Variants in GNE observed in about 807,000 individuals in gnomAD.
GNE encodes the protein glucosamine (UDP-N-acetyl)-2-epimerase/N-acetylmannosamine kinase, also known as bifunctional UDP-N-acetylglucosamine 2-epimerase/N-acetylmannosamine kinase.
Under a neutral mutation model 61.8 loss-of-function variants are expected in GNE, and 41 were observed. The ratio of observed to expected loss-of-function variants is 0.66; its 90% CI spans 0.52 to 0.86. The LOEUF (loss-of-function observed/expected upper bound fraction) is 0.86. Ranked by LOEUF, GNE falls within the 40% of genes least tolerant of loss-of-function variation. The pLI, the probability that GNE is intolerant of heterozygous loss-of-function variation, is 0.00. For missense variants in GNE, 608 were observed against 909.1 expected, an observed-to-expected ratio of 0.67 and a Z score of 4.26; for synonymous variants, 264 against 326.4, an observed-to-expected ratio of 0.81 and a Z score of 2.06.
At chr9:36,242,818 C>A (rs1166066321) in intron 3 of GNE, among the ~76,000 whole-genome samples, 3 of 147,648 alleles carry the variant, frequency 2.0e-5, no homozygotes, top group African/African-American at 7.5e-5. Flanking sequence ...AATCTCGGCT[C>A]ACAGCAACCT....
rs968546626 is a variant in GNE, at chr9:36,242,158, A to T, written c.616+3873T>A. On this transcript the variant is annotated intron_variant, in intron 3 of 11. Transcript: ENST00000642385. ...GCAACAGAGCAAGACTCTGTCTCAA[A>T]AAAAAGAAAAAAAAAAAGAAGTTGC... is the stretch of plus-strand genomic sequence containing the variant. 5.7e-5 allele frequency among the ~76,000 whole-genome samples: 5 copies of T among 87,154 alleles called. No individual in the cohort carries two copies. The East Asian group carries it at 1.1e-3, about 19-fold the overall frequency. 57.2% of individuals were successfully genotyped at this position (87,154 alleles called of 152,430 possible). A position where few individuals can be genotyped will look rare whatever the true frequency, so the allele number is the denominator to read the frequency against.
At chr9:36,258,192 TG>T in intron 1 of GNE, 128 bp downstream of exon 1, 1 of 354,040 alleles carries the variant, frequency 2.8e-6, no homozygotes, top group Non-Finnish European at 3.9e-6. Context: ...GGGTCCAGTG[TG>T]GGCCTCGGGG....
chr9:36,248,843 TATACTC>T (rs1830005256), intron 2 of GNE, among the ~76,000 whole-genome samples: 1 of 152,216 alleles, frequency 6.6e-6, no homozygotes, highest in African/African-American at 2.4e-5. Context: ...ATCACATTAT[TATACTC>T]ATACAATATG....
In GNE at chr9:36,222,660, G is replaced by C. The variant is rs1386891498; in HGVS notation, c.1633+117C>G. ...AAAGGCCACATGTGGCTCACCTTCA[G>C]GCTCTAGTCATGCAGGAAGTGAAGG... On this transcript the variant is annotated intron_variant, in intron 9 of 11. Coordinates refer to ENST00000642385, the MANE Select transcript of GNE (RefSeq NM_005476.7). The C allele has an allele frequency of 1.2e-5, 10 of 815,378 alleles. No homozygotes were observed. In the South Asian group the frequency reaches 1.3e-4, roughly 11 times the overall value. 50.5% of individuals were successfully genotyped at this position (815,378 alleles called of 1,614,324 possible). A position where few individuals can be genotyped will look rare whatever the true frequency, so the allele number is the denominator to read the frequency against.
At chr9:36,266,993 G>T (rs1334321763) in intron 1 of GNE, among the ~76,000 whole-genome samples, 1 of 152,214 alleles carries the variant, frequency 6.6e-6, no homozygotes, top group Non-Finnish European at 1.5e-5. Flanking sequence ...TTGAACCTGG[G>T]AGGCGAAGGT....
chr9:36,269,498 T>A (rs1290958520), intron 1 of GNE, among the ~76,000 whole-genome samples: 1 of 151,852 alleles, frequency 6.6e-6, no homozygotes, highest in Non-Finnish European at 1.5e-5. Flanking sequence ...CATTTTATCC[T>A]GTTGACTTTG....
At chr9:36,249,434 A>G in intron 1 of GNE, 37 bp from the exon 2 acceptor site, 1 of 1,378,780 alleles carries the variant, frequency 7.3e-7, no homozygotes, top group Non-Finnish European at 1.0e-6. Context: ...TAATCAGAAT[A>G]ACTCCTAGAT....
Position 36,222,769 on chromosome 9 carries a change from CCT to C in GNE, c.1633+6_1633+7del, listed in dbSNP as rs764024703. 4.4e-6 allele frequency: 7 copies of C among 1,586,138 alleles called. No individual in the cohort carries two copies. The highest frequency in any genetic ancestry group is 6.1e-6 in the Non-Finnish European group (7 of 1,154,766). ...GCTCCTGAACCAACCTCCCCCTACCCCTCTTACCTGTGCCTGTGATAAGTGTA... is the reference window on the plus strand; with the variant it reads ...GCTCCTGAACCAACCTCCCCCTACCCCTTACCTGTGCCTGTGATAAGTGTA... On this transcript the variant is annotated splice_donor_region_variant and intron_variant, in intron 9 of 11. Coordinates refer to ENST00000642385, the MANE Select transcript of GNE (RefSeq NM_005476.7).
In GNE at chr9:36,233,940, CG is replaced by C. The variant is rs1829284063; in HGVS notation, c.961del (p.Arg321ValfsTer51). The C allele has an allele frequency of 1.2e-6, 2 of 1,613,572 alleles. No individual in the cohort carries two copies. Among genetic ancestry groups the C allele is most frequent in the Non-Finnish European group, 1.7e-6 (2 of 1,179,480 alleles). On this transcript the variant is annotated frameshift_variant, in exon 5 of 12. Coordinates refer to ENST00000642385, the MANE Select transcript of GNE (RefSeq NM_005476.7). LOFTEE classifies it high-confidence loss of function. ...FGTPVINLGT[R>X]QIGRETGENV... ...AATACCTGTTTCTCTTCCAATCTGA[CG>C]TGTTCCCAGGTTGATCACAGGTGTT...
chr9:36,265,422 G>A (rs941598281), intron 1 of GNE: 5 of 456,526 alleles, frequency 1.1e-5, no homozygotes, highest in South Asian at 6.2e-5. Flanking sequence ...GTTTTCTAGG[G>A]AGATGGAAGG....
chr9:36,227,514 G>T, intron 6 of GNE, 56 bp from the exon 7 acceptor site: 1 of 1,047,000 alleles, frequency 9.6e-7, no homozygotes, highest in South Asian at 1.3e-5. Context: ...ATGTTAAGTG[G>T]TAGTGAGGGT....
intron 1 of GNE, among the ~76,000 whole-genome samples, chr9:36,269,395 A>T (rs535710986): frequency 1.3e-5 from 2 of 151,378 alleles, no homozygotes; most frequent in South Asian, 4.2e-4. Context: ...CCTAGGATAC[A>T]TACTCCAGCC....
intron 1 of GNE, among the ~76,000 whole-genome samples, chr9:36,250,805 C>T (rs936180571): frequency 6.6e-5 from 10 of 152,140 alleles, no homozygotes; most frequent in East Asian, 5.8e-4. Flanking sequence ...CTCAGCCTCC[C>T]GAGTAGCTGG....
chr9:36,255,846 G>A (rs1164659131), intron 1 of GNE, among the ~76,000 whole-genome samples: 1 of 152,168 alleles, frequency 6.6e-6, no homozygotes, highest in African/African-American at 2.4e-5. Context: ...GATGATAGAT[G>A]TTAGACAGAT....
upstream of GNE, among the ~76,000 whole-genome samples, chr9:36,262,758 C>A (rs1830651870): frequency 6.6e-6 from 1 of 152,160 alleles, no homozygotes; most frequent in Admixed American, 6.6e-5. Flanking sequence ...CCTACAGCAC[C>A]CCTGACAGAT....
In GNE at chr9:36,234,031, C is replaced by A. The variant is rs1280367982; in HGVS notation, c.871G>T (p.Val291Phe). The A allele has an allele frequency of 3.7e-6, 6 of 1,614,018 alleles. No homozygotes were observed. The highest frequency in any genetic ancestry group is 5.1e-6 in the Non-Finnish European group (6 of 1,179,976). Residue 291 changes from valine to phenylalanine, a missense_variant, in exon 5 of 12, where the codon GTT (valine) becomes TTT (phenylalanine). Transcript: ENST00000642385. ...CCAATCATACAGCCAGCATGGGCAA[C>A]CAACTGTATAAACTGGTCAAATGGG... ...HVPFDQFIQL[V>F]AHAGCMIGNS...
At chr9:36,271,807 A>G (rs1022067278) in intron 1 of GNE, among the ~76,000 whole-genome samples, 3 of 152,186 alleles carry the variant, frequency 2.0e-5, no homozygotes, top group Admixed American at 2.0e-4. Flanking sequence ...TCACCTCACT[A>G]TATATGACCT....
chr9:36,224,801 C>T (rs912445522), intron 7 of GNE, among the ~76,000 whole-genome samples: 2 of 152,050 alleles, frequency 1.3e-5, no homozygotes, highest in African/African-American at 2.4e-5. Context: ...ACCCAGGAAG[C>T]AGAGGTTGCA....
At chr9:36,271,347 G>A (rs1373274686) in intron 1 of GNE, among the ~76,000 whole-genome samples, 6 of 152,246 alleles carry the variant, frequency 3.9e-5, no homozygotes, top group Middle Eastern at 3.4e-3. Context: ...AATTCCCGGA[G>A]CACTTGTCTT....
Sources: gnomAD v4.1 joint callset for allele counts (sites outside exome capture counted in the v4.1 genomes callset) on GRCh38, gnomAD v4.1.1 for gene constraint, MANE v1.5 for transcripts, NCBI Gene and HGNC (gene_info 2026-07-23, HGNC 2026-07-21) for gene names.